ASH1L: variants seen among roughly 807,000 people sequenced by gnomAD.
The protein encoded by ASH1L is ASH1 like histone lysine methyltransferase, also known as histone-lysine N-methyltransferase ASH1L.
In ASH1L, 23 loss-of-function variants were observed where a neutral mutation model predicts 269.0. That is an observed-to-expected ratio of 0.09 (90% CI 0.06 to 0.12). ASH1L has a LOEUF of 0.12. Among genes scored for constraint, ASH1L ranks in the 10% least tolerant of loss-of-function variants. The pLI, the probability that ASH1L is intolerant of heterozygous loss-of-function variation, is 1.00. For missense variants in ASH1L, 2,912 were observed against 3,567.8 expected (o/e 0.82, Z 4.68); for synonymous variants, 1,187 against 1,253.5 (o/e 0.95, Z 1.12).
chr1:155,377,301 C>T (rs552611039), intron 10 of ASH1L, among the ~76,000 whole-genome samples: 4 of 152,106 alleles, frequency 2.6e-5, no homozygotes, highest in Admixed American at 1.3e-4. Flanking sequence ...CCCTATATGC[C>T]GATGGTTTAT....
rs749469850 is a variant in ASH1L at position 155,479,453 on chromosome 1, G to A, written c.3417C>T (p.His1139=). The change falls in exon 3 of 28, where the codon CAC becomes CAT. Residue 1139 remains histidine (H), a synonymous_variant. Coordinates refer to ENST00000392403, the MANE Select transcript of ASH1L (RefSeq NM_018489.3). ...EPSSVPYLHL[H]SRQGSMIQTL... is the part of the protein sequence containing the mutation. ...TCTGAATCATACTGCCCTGTCTGGA[G>A]TGTAAATGCAAATATGGCACTGAAC... 2.5e-6 allele frequency: 4 copies of A among 1,614,208 alleles called. No individual in the cohort carries two copies. Among genetic ancestry groups the A allele is most frequent in the Non-Finnish European group, 3.4e-6 (4 of 1,180,030 alleles).
Position 155,338,096 on chromosome 1 carries a change from TCCAGGGA to T in ASH1L, c.8789_8795del (p.Ile2930LysfsTer7). 6.2e-7 allele frequency: 1 copy of T among 1,612,160 alleles called. No homozygotes were observed. The highest frequency in any genetic ancestry group is 8.5e-7 in the Non-Finnish European group (1 of 1,178,658). On this transcript the variant is annotated frameshift_variant, in exon 27 of 28. Transcript: ENST00000392403. LOFTEE classifies it high-confidence loss of function. ...GAACCTGATTCTTCTTACCATTTTT[TCCAGGGA>T]TTTTTTCAAGGAGATTGAGCAAGAT... is the stretch of plus-strand genomic sequence containing the variant.
chr1:155,391,180 A>C (rs897361869), intron 7 of ASH1L, among the ~76,000 whole-genome samples: 1 of 152,064 alleles, frequency 6.6e-6, no homozygotes, highest in Non-Finnish European at 1.5e-5. Context: ...TCCTGACCTC[A>C]GGTGATCCAC....
Position 155,352,833 on chromosome 1 carries a change from G to A in ASH1L, c.7239C>T (p.Ala2413=), listed in dbSNP as rs1654051330. 1.2e-6 allele frequency: 2 copies of A among 1,609,720 alleles called. No individual in the cohort carries two copies. Among genetic ancestry groups the A allele is most frequent in the Non-Finnish European group, 1.7e-6 (2 of 1,178,816 alleles). The change falls in exon 17 of 28, where the codon GCC becomes GCT. Residue 2413 remains alanine, a synonymous_variant. Coordinates refer to ENST00000392403, the MANE Select transcript of ASH1L (RefSeq NM_018489.3). ...TTCGAACAGATCGAGCTGTCTGCAG[G>A]GCAGAGAACTGGGTCATGAAGACAT... ...KSDVFMTQFS[A]LQTARSVRTR... is the part of the protein sequence containing the mutation.
At chr1:155,454,943 T>C (rs548776515) in intron 4 of ASH1L, among the ~76,000 whole-genome samples, 2 of 152,256 alleles carry the variant, frequency 1.3e-5, no homozygotes, top group East Asian at 3.9e-4. Context: ...AGTTGCTCAG[T>C]AATAAAATTA....
chr1:155,343,866 G>C lies in ASH1L; in HGVS notation c.7982-124C>G, dbSNP rs796433835. On this transcript the variant is annotated intron_variant, in intron 22 of 27. Coordinates refer to ENST00000392403, the MANE Select transcript of ASH1L (RefSeq NM_018489.3). This position sits in a 1 kb window ranked among gnomAD's most constrained non-coding sequence, Gnocchi z 6.1. ...ATCTGAAACAGTATAAATACAGAGA[G>C]CTAAAAGCAGCAGTGTTAAGTGATG... is the stretch of plus-strand genomic sequence containing the variant. The C allele has an allele frequency of 2.7e-5, 30 of 1,105,656 alleles. No individual in the cohort carries two copies. In the African/African-American group the frequency reaches 2.9e-4, roughly 11 times the overall value. The allele number at this position is 1,105,656 out of a possible 1,614,324, so 68.5% of individuals were successfully genotyped here.
At chr1:155,553,895 C>T (rs1007804064) in intron 1 of ASH1L, among the ~76,000 whole-genome samples, 1 of 151,690 alleles carries the variant, frequency 6.6e-6, no homozygotes, top group Non-Finnish European at 1.5e-5. Context: ...CACCCAGGTT[C>T]AAGCAATTCT....
chr1:155,453,483 C>T (rs887639860), intron 4 of ASH1L, among the ~76,000 whole-genome samples: 1 of 152,108 alleles, frequency 6.6e-6, no homozygotes, highest in Non-Finnish European at 1.5e-5. Context: ...GGAGGGCCAA[C>T]GGTAGCAACA....
intron 2 of ASH1L, among the ~76,000 whole-genome samples, chr1:155,499,812 G>A (rs1667393265): frequency 6.6e-6 from 1 of 152,028 alleles, no homozygotes; most frequent in African/African-American, 2.4e-5. Context: ...GACTAAAGAA[G>A]ATATACCTTC....
At chr1:155,518,703 G>T (rs1025965414) in intron 2 of ASH1L, among the ~76,000 whole-genome samples, 3 of 149,146 alleles carry the variant, frequency 2.0e-5, no homozygotes, top group African/African-American at 7.4e-5. Flanking sequence ...GGGGGCGGTG[G>T]GAGGAAGGAA....
At chr1:155,484,541 T>TAAGTATATGAA (rs1666165816) in intron 2 of ASH1L, among the ~76,000 whole-genome samples, 1 of 152,166 alleles carries the variant, frequency 6.6e-6, no homozygotes, top group Admixed American at 6.5e-5. Flanking sequence ...ATTAGTTATA[T>TAAGTATATGAA]AAGTATATGA....
chr1:155,375,977 G>A (rs750549581), intron 10 of ASH1L, among the ~76,000 whole-genome samples: 70 of 152,024 alleles, frequency 4.6e-4, no homozygotes, highest in Non-Finnish European at 2.1e-4. Context: ...GGTGACACGC[G>A]TCTTTAGTCT....
rs950947996 is a variant in ASH1L, at chr1:155,541,981, C to T, written c.-100+20172G>A. Among the ~76,000 whole-genome samples the T allele has an allele frequency of 3.3e-5, 5 of 152,046 alleles. No homozygotes were observed. The East Asian group carries it at 9.7e-4, about 29-fold the overall frequency. On this transcript the variant is annotated intron_variant, in intron 1 of 27. Coordinates refer to ENST00000392403, the MANE Select transcript of ASH1L (RefSeq NM_018489.3). ...GAAAAGTAAGCCCCAGAAAGCAGTC[C>T]CAAGGCTAAAAATCTTGATGGAAAA...
Position 155,479,234 on chromosome 1 carries a change from G to A in ASH1L, c.3636C>T (p.Asp1212=). The change falls in exon 3 of 28, where the codon GAC becomes GAT. Residue 1212 remains aspartate (D), a synonymous_variant. Coordinates refer to ENST00000392403, the MANE Select transcript of ASH1L (RefSeq NM_018489.3). ...GIGTDNNSTS[D]RAEKFCGQKK... Reference sequence around the variant, plus strand: ...TTTGCCCACAAAATTTCTCTGCCCTGTCTGATGTGCTGTTATTATCTGTTC... The same window carrying A: ...TTTGCCCACAAAATTTCTCTGCCCTATCTGATGTGCTGTTATTATCTGTTC... 6.2e-7 allele frequency: 1 copy of A among 1,614,098 alleles called. No individual in the cohort carries two copies. The highest frequency in any genetic ancestry group is 8.5e-7 in the Non-Finnish European group (1 of 1,180,026).
chr1:155,343,389 G>A lies in ASH1L; in HGVS notation c.8218C>T (p.Pro2740Ser). Residue 2740 changes from proline (P) to serine (S), a missense_variant, in exon 24 of 28, where the codon CCA (proline) becomes TCA (serine). By Grantham distance (74) the Pro-to-Ser change is moderately conservative. Transcript: ENST00000392403. The surrounding 1 kb of genome is among the most constrained non-coding windows in gnomAD (Gnocchi z 6.1). ...TCCAAGGGAATGATCTCATAGAGTG[G>A]CACCCGAAATAGTTCATTATGATAG... ...RFYHNELFRVPLYEIIPLEAV... is the reference protein window; with the variant it reads ...RFYHNELFRVSLYEIIPLEAV... The A allele has an allele frequency of 6.2e-7, 1 of 1,614,196 alleles. No individual in the cohort carries two copies. The highest frequency in any genetic ancestry group is 8.5e-7 in the Non-Finnish European group (1 of 1,180,034).
intron 1 of ASH1L, among the ~76,000 whole-genome samples, chr1:155,541,628 G>A (rs1447167667): frequency 6.6e-6 from 1 of 152,106 alleles, no homozygotes; most frequent in Admixed American, 6.6e-5. Flanking sequence ...ATGACAATCA[G>A]TAACCATTTC....
Position 155,438,553 on chromosome 1 carries a change from G to C in ASH1L, c.5602C>G (p.Gln1868Glu). Residue 1868 changes from glutamine (Q) to glutamate (E), a missense_variant, in exon 5 of 28, where the codon CAG becomes GAG. Transcript: ENST00000392403. ...TCTGGGTTGACAAACTGAGCAGCCT[G>C]GAATGCTTGCATTGATACGACAGCC... Reference protein sequence around the residue: ...LQAVVSMQAFQAAQFVNPELN... With the variant: ...LQAVVSMQAFEAAQFVNPELN... The C allele has an allele frequency of 1.2e-6, 2 of 1,613,860 alleles. No individual in the cohort carries two copies. Among genetic ancestry groups the C allele is most frequent in the Non-Finnish European group, 8.5e-7 (1 of 1,179,886 alleles).
chr1:155,504,054 CA>C (rs137939109), intron 2 of ASH1L, among the ~76,000 whole-genome samples: 1,545 of 152,250 alleles, frequency 0.01, 28 homozygotes, highest in African/African-American at 0.035. Context: ...TCTGCTGGTG[CA>C]AAATGACATT....
At chr1:155,526,009 T>C (rs1333634525) in intron 1 of ASH1L, among the ~76,000 whole-genome samples, 1 of 152,226 alleles carries the variant, frequency 6.6e-6, no homozygotes, top group Non-Finnish European at 1.5e-5. Context: ...AATTTTTTAT[T>C]ATTGTATTGT....
Sources: gnomAD v4.1 joint callset for allele counts (sites outside exome capture counted in the v4.1 genomes callset) on GRCh38, gnomAD v4.1.1 for gene constraint, Gnocchi (gnomAD v3.1) non-coding constraint, MANE v1.5 for transcripts, NCBI Gene and HGNC (gene_info 2026-07-23, HGNC 2026-07-21) for gene names.